Variants in SH3D19 observed in about 807,000 individuals in gnomAD.
The protein encoded by SH3D19 is SH3 domain containing 19, also known as SH3 domain-containing protein 19.
SH3D19 carries 58 observed loss-of-function variants against 112.1 expected under a neutral mutation model. The observed-to-expected ratio is 0.52, with a 90% CI of 0.42 to 0.64. SH3D19 has a LOEUF of 0.64. Ranked by LOEUF, SH3D19 falls within the 30% of genes least tolerant of loss-of-function variation. The pLI, the probability that SH3D19 is intolerant of heterozygous loss-of-function variation, is 0.00. For missense variants in SH3D19, 1,090 were observed against 1,263.4 expected, an observed-to-expected ratio of 0.86 and a Z score of 2.08; for synonymous variants, 391 against 448.5, an observed-to-expected ratio of 0.87 and a Z score of 1.62.
intron 3 of SH3D19, among the ~76,000 whole-genome samples, chr4:151,183,688 A>C (rs534289604): frequency 6.6e-6 from 1 of 152,368 alleles, no homozygotes; most frequent in South Asian, 2.1e-4. Flanking sequence ...TACCCTTGCT[A>C]TAGAACTATG....
At chr4:151,215,642 C>T (rs1766941771) in intron 2 of SH3D19, among the ~76,000 whole-genome samples, 1 of 152,204 alleles carries the variant, frequency 6.6e-6, no homozygotes, top group Admixed American at 6.5e-5. Context: ...CTGGCTTGCT[C>T]ACTCTGCATT....
intron 1 of SH3D19, among the ~76,000 whole-genome samples, chr4:151,274,562 T>C (rs1158417547): frequency 6.6e-6 from 1 of 152,192 alleles, no homozygotes; most frequent in African/African-American, 2.4e-5. Flanking sequence ...AGAAATGACA[T>C]GGAATTCGGT....
chr4:151,268,009 T>C (rs1772942095), intron 1 of SH3D19, among the ~76,000 whole-genome samples: 2 of 152,312 alleles, frequency 1.3e-5, no homozygotes, highest in African/African-American at 2.4e-5. Flanking sequence ...ACATGACATG[T>C]TGCTTAATGA....
chr4:151,219,240 T>C (rs1239208723), intron 2 of SH3D19, among the ~76,000 whole-genome samples: 1 of 152,210 alleles, frequency 6.6e-6, no homozygotes, highest in African/African-American at 2.4e-5. Flanking sequence ...CTCTTGGTGA[T>C]GTCTGATCAC....
chr4:151,239,641 C>T (rs909220746), intron 1 of SH3D19, among the ~76,000 whole-genome samples: 23 of 152,112 alleles, frequency 1.5e-4, no homozygotes, highest in African/African-American at 5.6e-4. Flanking sequence ...AAAGGATTCC[C>T]TTCTGTGGAA....
intron 1 of SH3D19, among the ~76,000 whole-genome samples, chr4:151,236,101 C>T (rs963997918): frequency 2.0e-5 from 3 of 152,254 alleles, no homozygotes; most frequent in African/African-American, 4.8e-5. Context: ...TAGCAGCCCT[C>T]GTTCACTCTT....
chr4:151,267,176 AT>A (rs202131661), intron 1 of SH3D19, among the ~76,000 whole-genome samples: 48,269 of 146,218 alleles, frequency 0.33, 9,488 homozygotes, highest in Non-Finnish European at 0.44. Flanking sequence ...AAAAAAATAA[AT>A]AAAATAAATT....
intron 9 of SH3D19, among the ~76,000 whole-genome samples, chr4:151,151,220 C>G (rs773396726): frequency 1.6e-4 from 24 of 152,168 alleles, no homozygotes; most frequent in Non-Finnish European, 1.9e-4. Flanking sequence ...CTTGGCCTCC[C>G]AAAGTGCTGG....
At chr4:151,279,934 T>C (rs1774032275) in intron 1 of SH3D19, 12 of 1,613,436 alleles carry the variant, frequency 7.4e-6, no homozygotes, top group Non-Finnish European at 9.3e-6. Context: ...AGGTTGATAC[T>C]GACAGCAGCA....
chr4:151,239,483 A>T (rs1009896797), intron 1 of SH3D19, among the ~76,000 whole-genome samples: 1 of 152,158 alleles, frequency 6.6e-6, no homozygotes, highest in Non-Finnish European at 1.5e-5. Context: ...GGCTTCAAAA[A>T]TTTTTTATTT....
intron 2 of SH3D19, among the ~76,000 whole-genome samples, chr4:151,224,643 G>T (rs11099795): frequency 0.83 from 125,775 of 152,126 alleles, 53,827 homozygotes; most frequent in Non-Finnish European, 0.95. Flanking sequence ...AAGTATTTTT[G>T]ACTCTTCCAA....
At chr4:151,246,930 G>A (rs1770986989) in intron 1 of SH3D19, among the ~76,000 whole-genome samples, 1 of 152,322 alleles carries the variant, frequency 6.6e-6, no homozygotes, top group East Asian at 1.9e-4. Flanking sequence ...AATGGCACAA[G>A]ATTTACATAG....
chr4:151,148,272 C>G, intron 10 of SH3D19, 86 bp from the exon 11 acceptor site: 106 of 771,630 alleles, frequency 1.4e-4, no homozygotes, highest in Non-Finnish European at 1.8e-4. Context: ...CACACACACA[C>G]ACACACACAC....
chr4:151,286,281 A>C (rs1172806493), intron 1 of SH3D19, among the ~76,000 whole-genome samples: 3 of 151,382 alleles, frequency 2.0e-5, no homozygotes, highest in African/African-American at 7.2e-5. Flanking sequence ...ACAGAAAGAC[A>C]ATAGAGAAAA....
chr4:151,165,790 C>T, intron 7 of SH3D19, 94 bp from the exon 8 acceptor site: 1 of 1,061,022 alleles, frequency 9.4e-7, no homozygotes, highest in African/African-American at 1.6e-5. Context: ...TTTTTCATGC[C>T]CCTGGGGAAA....
At chr4:151,153,334 A>G (rs928043602) in intron 9 of SH3D19, among the ~76,000 whole-genome samples, 1 of 150,800 alleles carries the variant, frequency 6.6e-6, no homozygotes, top group Non-Finnish European at 1.5e-5. Context: ...TGCAACCTCC[A>G]CCTCTGGGTT....
At chr4:151,298,180 A>ATTTT in intron 1 of SH3D19, among the ~76,000 whole-genome samples, 1 of 115,964 alleles carries the variant, frequency 8.6e-6, no homozygotes. Flanking sequence ...CAGAATAATA[A>ATTTT]ATTTTTTTTT....
At chr4:151,198,803 T>A (rs545961356) in intron 2 of SH3D19, among the ~76,000 whole-genome samples, 1 of 152,310 alleles carries the variant, frequency 6.6e-6, no homozygotes, top group East Asian at 1.9e-4. Context: ...TAGGCAGCTC[T>A]TAAGGAGTTA....
intron 2 of SH3D19, among the ~76,000 whole-genome samples, chr4:151,204,617 C>G (rs1027123471): frequency 6.6e-6 from 1 of 152,044 alleles, no homozygotes; most frequent in Admixed American, 6.6e-5. Flanking sequence ...CATTTGATGT[C>G]AAATATGGAT....
Sources: gnomAD v4.1 joint callset for allele counts (sites outside exome capture counted in the v4.1 genomes callset) on GRCh38, gnomAD v4.1.1 for gene constraint, MANE v1.5 for transcripts, NCBI Gene and HGNC (gene_info 2026-07-23, HGNC 2026-07-21) for gene names.